Variants in NKAIN2 observed in about 807,000 individuals in gnomAD.
The protein encoded by NKAIN2 is sodium/potassium transporting ATPase interacting 2, also known as sodium/potassium-transporting ATPase subunit beta-1-interacting protein 2.
NKAIN2 carries 14 observed loss-of-function variants against 32.6 expected under a neutral mutation model. The observed-to-expected ratio is 0.43, with a 90% CI of 0.28 to 0.67. The LOEUF (loss-of-function observed/expected upper bound fraction) is 0.67. NKAIN2 is among the 30% of genes least tolerant of loss of function. NKAIN2 has a pLI of 0.17. For synonymous variants in NKAIN2, 80 were observed against 87.2 expected (o/e 0.92, Z 0.46); for missense variants, 198 against 258.3 (o/e 0.77, Z 1.60).
chr6:124,304,310 C>T (rs1331275089), intron 2 of NKAIN2, among the ~76,000 whole-genome samples: 1 of 152,110 alleles, frequency 6.6e-6, no homozygotes, highest in Non-Finnish European at 1.5e-5. Flanking sequence ...TAATATTGCT[C>T]TGCATTTATT....
chr6:124,064,036 T>C (rs184967623), intron 1 of NKAIN2, among the ~76,000 whole-genome samples: 16 of 152,082 alleles, frequency 1.1e-4, no homozygotes, highest in Admixed American at 7.2e-4. Flanking sequence ...ATGCATGCTC[T>C]GCCTCCCGGG....
chr6:124,718,565 T>A (rs1042640045), intron 4 of NKAIN2, among the ~76,000 whole-genome samples: 1 of 152,208 alleles, frequency 6.6e-6, no homozygotes, highest in Non-Finnish European at 1.5e-5. Context: ...TTGTTCATTG[T>A]CTTTTAATAT....
chr6:123,970,929 T>C (rs1778310936), intron 1 of NKAIN2, among the ~76,000 whole-genome samples: 1 of 152,170 alleles, frequency 6.6e-6, no homozygotes, highest in Non-Finnish European at 1.5e-5. Context: ...GAATATTAAC[T>C]ATTTTGTAAT....
chr6:124,268,415 G>T (rs1029164077), intron 1 of NKAIN2, among the ~76,000 whole-genome samples: 1 of 152,110 alleles, frequency 6.6e-6, no homozygotes, highest in Non-Finnish European at 1.5e-5. Context: ...AGTATCAGTT[G>T]CTTCAGAGAC....
At chr6:123,886,892 A>G (rs1189676836) in intron 1 of NKAIN2, among the ~76,000 whole-genome samples, 4 of 152,124 alleles carry the variant, frequency 2.6e-5, no homozygotes, top group African/African-American at 9.7e-5. Flanking sequence ...GTGAAACTTA[A>G]TAACAGGGCA....
chr6:124,256,528 C>T (rs1793938643), intron 1 of NKAIN2, among the ~76,000 whole-genome samples: 1 of 152,110 alleles, frequency 6.6e-6, no homozygotes, highest in South Asian at 2.1e-4. Flanking sequence ...AACACACCAT[C>T]CTAAATCTGA....
chr6:123,884,492 G>T (rs1265075331), intron 1 of NKAIN2, among the ~76,000 whole-genome samples: 1 of 152,054 alleles, frequency 6.6e-6, no homozygotes, highest in East Asian at 1.9e-4. Context: ...ATGTGGGTGG[G>T]TGTGTGTGTT....
chr6:123,971,541 T>G (rs1347050579), intron 1 of NKAIN2, among the ~76,000 whole-genome samples: 1 of 152,090 alleles, frequency 6.6e-6, no homozygotes, highest in African/African-American at 2.4e-5. Context: ...TTTGTGTCAG[T>G]TTGGATGGTT....
Position 124,823,462 on chromosome 6 carries a change from A to G in NKAIN2, c.*233A>G. On this transcript the variant is annotated 3_prime_UTR_variant, in exon 7 of 7. Coordinates refer to ENST00000368417, the MANE Select transcript of NKAIN2 (RefSeq NM_001040214.3). ...TTCTAACTGAAACAGACAAATATGCAGGACACGCCCATCTTGGATTTCCTG... is the reference window on the plus strand; with the variant it reads ...TTCTAACTGAAACAGACAAATATGCGGGACACGCCCATCTTGGATTTCCTG... The G allele has an allele frequency of 4.2e-6, 2 of 477,736 alleles. No individual in the cohort carries two copies. The highest frequency in any genetic ancestry group is 7.5e-6 in the Non-Finnish European group (2 of 267,808). The allele number at this position is 477,736 out of a possible 1,614,324, so 29.6% of individuals were successfully genotyped here. A position where few individuals can be genotyped will look rare whatever the true frequency, so the allele number is the denominator to read the frequency against.
intron 1 of NKAIN2, among the ~76,000 whole-genome samples, chr6:124,002,268 T>C (rs1297430434): frequency 6.6e-6 from 1 of 152,096 alleles, no homozygotes; most frequent in Non-Finnish European, 1.5e-5. Flanking sequence ...AATACGTGGT[T>C]GGGGATAGAG....
At position 124,534,828 on chromosome 6, in the gene NKAIN2, A is replaced by C. The variant is rs529738205; in HGVS notation, c.274-123358A>C. 3.3e-5 allele frequency among the ~76,000 whole-genome samples: 5 copies of C among 152,258 alleles called. No individual in the cohort carries two copies. In the East Asian group the frequency reaches 7.7e-4, roughly 24 times the overall value. ...AATCTGACCATAAGGTCTGTTTTTA[A>C]ATTTTTTTTTCTAAGACTTTACATG... On this transcript the variant is annotated intron_variant, in intron 3 of 6. Coordinates refer to ENST00000368417, the MANE Select transcript of NKAIN2 (RefSeq NM_001040214.3).
At chr6:124,320,812 G>C (rs1797146462) in intron 2 of NKAIN2, among the ~76,000 whole-genome samples, 1 of 152,208 alleles carries the variant, frequency 6.6e-6, no homozygotes, top group African/African-American at 2.4e-5. Flanking sequence ...ACTTGAAGCT[G>C]TGAAGACTTT....
At chr6:124,623,443 C>G (rs943334136) in intron 3 of NKAIN2, among the ~76,000 whole-genome samples, 2 of 152,050 alleles carry the variant, frequency 1.3e-5, no homozygotes, top group African/African-American at 2.4e-5. Flanking sequence ...TAGTATTGAA[C>G]TTAAAAATGT....
chr6:124,240,308 C>T (rs1192845070), intron 1 of NKAIN2, among the ~76,000 whole-genome samples: 1 of 152,100 alleles, frequency 6.6e-6, no homozygotes, highest in African/African-American at 2.4e-5. Flanking sequence ...CCAAATTCTA[C>T]CAGAGGTACA....
chr6:123,870,242 G>C (rs1020059351), intron 1 of NKAIN2, among the ~76,000 whole-genome samples: 1 of 152,136 alleles, frequency 6.6e-6, no homozygotes, highest in African/African-American at 2.4e-5. Flanking sequence ...AAGTACTATG[G>C]AGAAAAGCAG....
chr6:123,836,485 A>G (rs1774629335), intron 1 of NKAIN2, among the ~76,000 whole-genome samples: 2 of 152,056 alleles, frequency 1.3e-5, no homozygotes, highest in African/African-American at 2.4e-5. Flanking sequence ...ACAGGAGGTA[A>G]AACCAAACGG....
chr6:124,718,283 T>C (rs183905737), intron 4 of NKAIN2, among the ~76,000 whole-genome samples: 255 of 152,320 alleles, frequency 1.7e-3, no homozygotes, highest in Non-Finnish European at 2.5e-3. Flanking sequence ...TTTCTTTATA[T>C]ACAGATTTCC....
chr6:124,268,716 A>T (rs1375605635), intron 1 of NKAIN2, among the ~76,000 whole-genome samples: 3 of 151,142 alleles, frequency 2.0e-5, no homozygotes, highest in African/African-American at 7.3e-5. Context: ...TATAACATAT[A>T]TATTTTATAT....
intron 1 of NKAIN2, among the ~76,000 whole-genome samples, chr6:124,182,255 C>T (rs2114548013): frequency 6.6e-6 from 1 of 152,234 alleles, no homozygotes; most frequent in Non-Finnish European, 1.5e-5. Flanking sequence ...GAGTCTCTCC[C>T]ATGACATGTG....
Sources: allele counts gnomAD v4.1 joint callset (sites outside exome capture counted in the v4.1 genomes callset), GRCh38; gene constraint gnomAD v4.1.1; transcripts MANE v1.5; gene names NCBI Gene and HGNC (gene_info 2026-07-23, HGNC 2026-07-21).